PPIL2: variants seen among roughly 807,000 people sequenced by gnomAD.
The protein encoded by PPIL2 is peptidylprolyl isomerase like 2.
A neutral mutation model predicts 75.2 loss-of-function variants in PPIL2; 50 were observed. The observed-to-expected ratio is 0.66, with a 90% CI of 0.53 to 0.84. The LOEUF is 0.84. Among genes scored for constraint, PPIL2 ranks in the 40% least tolerant of loss-of-function variants. The probability of loss-of-function intolerance (pLI) is 0.00; values close to 1 mark genes in which losing one functional copy is unlikely to be tolerated. For missense variants in PPIL2, 590 were observed against 685.0 expected (o/e 0.86, Z 1.55); for synonymous variants, 245 against 258.8 (o/e 0.95, Z 0.51).
At chr22:21,669,593 C>T (rs1335976615) in intron 1 of PPIL2, among the ~76,000 whole-genome samples, 1 of 152,110 alleles carries the variant, frequency 6.6e-6, no homozygotes, top group African/African-American at 2.4e-5. Flanking sequence ...CTCCGCCTCC[C>T]GGGATCAAGC....
At chr22:21,681,423 G>A in intron 7 of PPIL2, 33 bp downstream of exon 7, 1 of 1,554,530 alleles carries the variant, frequency 6.4e-7, no homozygotes, top group Non-Finnish European at 8.9e-7. Flanking sequence ...GGAGACAGCG[G>A]TGGGGAGATC....
Position 21,695,582 on chromosome 22 carries a change from G to A in PPIL2, c.*92G>A. ...TTCCAGCCTTTCTAGCCTGCCCTCT[G>A]CTGCCAGCCAATAAATTGCTTGCCT... On this transcript the variant is annotated 3_prime_UTR_variant, in exon 20 of 20. Coordinates refer to ENST00000398831, the MANE Select transcript of PPIL2 (RefSeq NM_014337.4). The A allele has an allele frequency of 6.5e-7, 1 of 1,531,378 alleles. No individual in the cohort carries two copies. Among genetic ancestry groups the A allele is most frequent in the Non-Finnish European group, 8.8e-7 (1 of 1,137,404 alleles). The allele number at this position is 1,531,378 out of a possible 1,614,324, so 94.9% of individuals were successfully genotyped here. A position where few individuals can be genotyped will look rare whatever the true frequency, so the allele number is the denominator to read the frequency against.
At chr22:21,690,222 A>G (rs371068898) in intron 15 of PPIL2, among the ~76,000 whole-genome samples, 7 of 152,164 alleles carry the variant, frequency 4.6e-5, no homozygotes. Flanking sequence ...ATCTCTACAA[A>G]AAATAAAAAA....
At chr22:21,692,862 C>T (rs1274399281) in intron 15 of PPIL2, among the ~76,000 whole-genome samples, 3 of 150,100 alleles carry the variant, frequency 2.0e-5, no homozygotes, top group Non-Finnish European at 4.4e-5. Flanking sequence ...GGAGGCGGAG[C>T]TTGCAGTGAA....
At chr22:21,692,701 G>A (rs2067725765) in intron 15 of PPIL2, among the ~76,000 whole-genome samples, 1 of 151,450 alleles carries the variant, frequency 6.6e-6, no homozygotes, top group South Asian at 2.1e-4. Flanking sequence ...CAAGGCAGGT[G>A]GATCACAAGG....
chr22:21,688,566 A>G (rs1231133449), intron 14 of PPIL2, among the ~76,000 whole-genome samples, 166 bp from the exon 15 acceptor site: 3 of 152,156 alleles, frequency 2.0e-5, no homozygotes, highest in Non-Finnish European at 4.4e-5. Context: ...TGGGGGCTCC[A>G]AGGGACCCAG....
At chr22:21,666,970 A>ACCCCAGAGCTG (rs112907852) in intron 1 of PPIL2, among the ~76,000 whole-genome samples, 10 of 151,366 alleles carry the variant, frequency 6.6e-5, no homozygotes, top group Admixed American at 2.0e-4. Flanking sequence ...CAGAATTTCG[A>ACCCCAGAGCTG]CCCCAGAACT....
intron 15 of PPIL2, among the ~76,000 whole-genome samples, chr22:21,693,061 TC>T (rs1264829809): frequency 4.8e-4 from 73 of 152,250 alleles, no homozygotes; most frequent in African/African-American, 1.4e-3. Flanking sequence ...TTTTTCTTTT[TC>T]TTTTTTCTTG....
downstream of PPIL2, chr22:21,698,345 C>T (rs1025216962): frequency 3.3e-5 from 5 of 150,240 alleles, no homozygotes; most frequent in African/African-American, 9.8e-5. Flanking sequence ...GTACAAAAAC[C>T]AAAGTGCCCA....
At chr22:21,676,309 T>TGTGTGTGTGTGTG (rs1555894902) in intron 6 of PPIL2, among the ~76,000 whole-genome samples, 36 of 123,016 alleles carry the variant, frequency 2.9e-4, no homozygotes, top group Non-Finnish European at 4.0e-4. Context: ...TTTATTTATT[T>TGTGTGTGTGTGTG]TGTGTGTGTG....
intron 5 of PPIL2, among the ~76,000 whole-genome samples, chr22:21,674,817 C>T (rs1162144012): frequency 2.0e-5 from 3 of 152,254 alleles, no homozygotes; most frequent in Admixed American, 2.0e-4. Flanking sequence ...GTGGCCTGGT[C>T]CTCCTGCTCG....
At chr22:21,678,893 A>ATTT (rs10706275) in intron 6 of PPIL2, among the ~76,000 whole-genome samples, 2 of 118,150 alleles carry the variant, frequency 1.7e-5, no homozygotes, top group African/African-American at 3.2e-5. Context: ...TGCCCAGCCA[A>ATTT]TTTTTTTTTT....
Position 21,697,048 on chromosome 22 carries a change from C to A in PPIL2, c.*1558C>A. 2.0e-6 allele frequency: 3 copies of A among 1,502,370 alleles called. No individual in the cohort carries two copies. The highest frequency in any genetic ancestry group is 1.2e-5 in the South Asian group (1 of 81,154). The allele number at this position is 1,502,370 out of a possible 1,614,324, so 93.1% of individuals were successfully genotyped here. ...GTCATCCCTGTCTGTGACCATTGGT[C>A]GGGCCCCTGGGCTCTAGAGTGACTT... On this transcript the variant is annotated 3_prime_UTR_variant, in exon 20 of 20. Coordinates refer to ENST00000398831, the MANE Select transcript of PPIL2 (RefSeq NM_014337.4).
At chr22:21,672,717 A>G (rs558553730) in intron 5 of PPIL2, among the ~76,000 whole-genome samples, 152 of 152,280 alleles carry the variant, frequency 1.0e-3, no homozygotes, top group African/African-American at 3.5e-3. Flanking sequence ...TTTTGTGGGG[A>G]CATTATGCAG....
intron 6 of PPIL2, among the ~76,000 whole-genome samples, chr22:21,680,674 A>C (rs532667157): frequency 6.6e-6 from 1 of 150,626 alleles, no homozygotes; most frequent in African/African-American, 2.4e-5. Context: ...CTAAAAATAC[A>C]GAAAAATTAG....
At chr22:21,687,880 T>C (rs562153680) in intron 13 of PPIL2, 148 bp downstream of exon 13, 43 of 1,065,646 alleles carry the variant, frequency 4.0e-5, no homozygotes, top group African/African-American at 6.3e-5. Flanking sequence ...GGGGAACCCA[T>C]AGACTGACCC....
In PPIL2 at chr22:21,683,275, C is replaced by T. The variant is rs772047504; in HGVS notation, c.553+18C>T. On this transcript the variant is annotated intron_variant, in intron 9 of 19. Coordinates refer to ENST00000398831, the MANE Select transcript of PPIL2 (RefSeq NM_014337.4). ...AGACCCAGGTATGTACACCTAGGGG[C>T]TGGGCTAGGCGAGGGGGCTTTTGGA... 6.3e-7 allele frequency: 1 copy of T among 1,589,576 alleles called. No individual in the cohort carries two copies. Among genetic ancestry groups the T allele is most frequent in the Non-Finnish European group, 8.6e-7 (1 of 1,157,944 alleles).
chr22:21,689,645 C>T (rs748392491), intron 15 of PPIL2, among the ~76,000 whole-genome samples: 5 of 152,152 alleles, frequency 3.3e-5, no homozygotes, highest in Non-Finnish European at 5.9e-5. Context: ...CTGGTCTGCT[C>T]TCTGCTTCCC....
intron 9 of PPIL2, 87 bp downstream of exon 9, chr22:21,683,344 G>T (rs1306345360): frequency 8.4e-7 from 1 of 1,189,668 alleles, no homozygotes; most frequent in Non-Finnish European, 1.2e-6. Flanking sequence ...CCGCTTTCCT[G>T]GAGGTCAGGG....
Sources: gnomAD v4.1 joint callset for allele counts (sites outside exome capture counted in the v4.1 genomes callset) on GRCh38, gnomAD v4.1.1 for gene constraint, MANE v1.5 for transcripts, NCBI Gene and HGNC (gene_info 2026-07-23, HGNC 2026-07-21) for gene names.